Variants in BMX observed in about 807,000 individuals in gnomAD.
The protein encoded by BMX is cytoplasmic tyrosine-protein kinase BMX.
In BMX, 31 loss-of-function variants were observed where a neutral mutation model predicts 59.2. The observed-to-expected ratio is 0.52, with a 90% CI of 0.39 to 0.71. The LOEUF is 0.71. Among genes scored for constraint, BMX ranks in the 30% least tolerant of loss-of-function variants. The pLI is 0.00. For synonymous variants in BMX, 185 were observed against 181.0 expected (o/e 1.02, Z -0.18); for missense variants, 474 against 491.7 (o/e 0.96, Z 0.34).
intron 1 of BMX, chrX:15,507,179 A>G: frequency 6.1e-6 from 1 of 164,694 alleles, no homozygotes; most frequent in Non-Finnish European, 1.0e-5. Context: ...CCCTCTAGTG[A>G]TTGGATGGGT....
chrX:15,521,044 T>C (rs1294664138), intron 6 of BMX, among the ~76,000 whole-genome samples: 18 of 109,935 alleles, frequency 1.6e-4, no homozygotes, highest in African/African-American at 6.2e-4. Flanking sequence ...CACACACACA[T>C]ATTGTGAATT....
intron 9 of BMX, among the ~76,000 whole-genome samples, chrX:15,527,503 A>G (rs1395270518): frequency 9.1e-6 from 1 of 110,059 alleles, no homozygotes; most frequent in Non-Finnish European, 1.9e-5. Context: ...ATTGTCTCCT[A>G]GATGTAAAGA....
intron 1 of BMX, among the ~76,000 whole-genome samples, chrX:15,506,277 A>G (rs1161088685): frequency 8.9e-6 from 1 of 112,002 alleles, no homozygotes; most frequent in Non-Finnish European, 1.9e-5. Flanking sequence ...CACCTTGGAC[A>G]TTGGGATTTT....
rs747227180 is a variant in BMX, at chrX:15,513,729, T to C, written c.325+2211T>C. On this transcript the variant is annotated intron_variant, in intron 4 of 18. Coordinates refer to ENST00000348343, the MANE Select transcript of BMX (RefSeq NM_203281.3). ...ACCAGATGTGGAAAAAATGTGCTCT[T>C]CCTTCCAAAAATTAAAACAGAAGGG... is the stretch of plus-strand genomic sequence containing the variant. Among the ~76,000 whole-genome samples the C allele has an allele frequency of 5.2e-4, 58 of 111,819 alleles. 1 individual carries two copies. Among genetic ancestry groups the C allele is most frequent in the Admixed American group, 2.0e-3 (21 of 10,532 alleles).
intron 12 of BMX, among the ~76,000 whole-genome samples, chrX:15,535,039 G>A (rs760936959): frequency 7.2e-5 from 8 of 111,768 alleles, no homozygotes; most frequent in South Asian, 7.4e-4. Flanking sequence ...ATCTATATGA[G>A]GGGTTCTATA....
chrX:15,529,906 A>G (rs1924980201), intron 9 of BMX, 67 bp from the exon 10 acceptor site: 1 of 997,106 alleles, frequency 1.0e-6, no homozygotes, highest in African/African-American at 1.9e-5. Context: ...CAGATTAGAA[A>G]GTTGAGTGTC....
chrX:15,555,962 C>A (rs1054846539), intron 18 of BMX, 111 bp from the exon 19 acceptor site: 2 of 738,977 alleles, frequency 2.7e-6, no homozygotes, highest in Non-Finnish European at 3.9e-6. Context: ...TGTGTTTCCA[C>A]ATTTTAAAAG....
intron 14 of BMX, among the ~76,000 whole-genome samples, chrX:15,538,401 G>C (rs1332932664): frequency 1.8e-5 from 2 of 111,691 alleles, no homozygotes; most frequent in African/African-American, 3.3e-5. Context: ...TCTACTTTTA[G>C]AGAATCAATC....
At chrX:15,511,378 G>A (rs928474195) in intron 3 of BMX, 59 bp from the exon 4 acceptor site, 60 of 1,006,152 alleles carry the variant, frequency 6.0e-5, no homozygotes, top group Non-Finnish European at 7.6e-5. Flanking sequence ...ATTTGCAGGT[G>A]CACCAAAGTG....
intron 12 of BMX, 134 bp from the exon 13 acceptor site, chrX:15,536,219 C>T (rs1925333417): frequency 1.8e-6 from 1 of 554,292 alleles, no homozygotes; most frequent in Non-Finnish European, 2.9e-6. Flanking sequence ...AATGGATTCT[C>T]TCTCTGCATT....
chrX:15,537,481 T>G (rs1425814345), intron 14 of BMX, among the ~76,000 whole-genome samples, 176 bp downstream of exon 14: 1 of 112,270 alleles, frequency 8.9e-6, no homozygotes, highest in East Asian at 2.8e-4. Flanking sequence ...ATCAGTCTTA[T>G]GCTCCTACTT....
At chrX:15,539,401 G>A (rs1421053374) in intron 14 of BMX, among the ~76,000 whole-genome samples, 4 of 111,206 alleles carry the variant, frequency 3.6e-5, no homozygotes, top group African/African-American at 1.3e-4. Context: ...TTAATATGGC[G>A]CCCTCACCTT....
chrX:15,507,404 T>A lies in BMX; in HGVS notation c.-9-941T>A, dbSNP rs375709435. 260 of 741,307 alleles carry A rather than the reference T, an allele frequency of 3.5e-4. 2 individuals carry two copies. In the African/African-American group the frequency reaches 5.6e-3, roughly 16 times the overall value. 61.1% of individuals were successfully genotyped at this position (741,307 alleles called of 1,213,427 possible). ...ACATGTATACTTCGGCTCTAGCGAG[T>A]CTAAGGTGAGTAAAGCCTTCAGATT... On this transcript the variant is annotated intron_variant, in intron 1 of 18. Coordinates refer to ENST00000348343, the MANE Select transcript of BMX (RefSeq NM_203281.3).
chrX:15,534,469 T>G, intron 12 of BMX, 130 bp downstream of exon 12: 1 of 566,657 alleles, frequency 1.8e-6, no homozygotes, highest in Non-Finnish European at 2.5e-6. Context: ...CTCTCAAGTC[T>G]TTTGCCTATC....
intron 12 of BMX, among the ~76,000 whole-genome samples, chrX:15,536,019 T>C (rs969987557): frequency 3.6e-5 from 4 of 112,251 alleles, no homozygotes; most frequent in Non-Finnish European, 7.5e-5. Context: ...GTCAAATGTA[T>C]GTGCTGTGTG....
chrX:15,542,110 T>C lies in BMX; in HGVS notation c.1523T>C (p.Leu508Pro). The change falls in exon 15 of 19, where the codon CTT becomes CCT. Residue 508 changes from leucine to proline, a missense_variant. By Grantham distance (98) the Leu-to-Pro change is moderately conservative. Transcript: ENST00000348343. ...LNYLRSHGKG[L>P]EPSQLLEMCY... is the part of the protein sequence containing the mutation. Reference sequence around the variant, plus strand: ...TACCTGAGGAGTCACGGAAAAGGACTTGAACCTTCCCAGCTCTTAGAAATG... The same window carrying C: ...TACCTGAGGAGTCACGGAAAAGGACCTGAACCTTCCCAGCTCTTAGAAATG... 7 of 1,211,710 alleles carry C rather than the reference T, an allele frequency of 5.8e-6. No individual in the cohort carries two copies. The highest frequency in any genetic ancestry group is 7.8e-6 in the Non-Finnish European group (7 of 895,378).
At chrX:15,550,665 TACACACACACACACACACACACAC>T (rs58905214) in intron 18 of BMX, among the ~76,000 whole-genome samples, 11 of 86,753 alleles carry the variant, frequency 1.3e-4, no homozygotes, top group Non-Finnish European at 2.5e-4. Flanking sequence ...TCAAAGTCTT[TACACACACACACACACACACACAC>T]ACACACACAC....
At chrX:15,540,372 G>T (rs1463055967) in intron 14 of BMX, among the ~76,000 whole-genome samples, 1 of 107,960 alleles carries the variant, frequency 9.3e-6, no homozygotes, top group Non-Finnish European at 1.9e-5. Context: ...ATAAGTGGAA[G>T]TTGAACAATG....
At chrX:15,510,539 T>A (rs1399169313) in intron 3 of BMX, among the ~76,000 whole-genome samples, 1 of 110,703 alleles carries the variant, frequency 9.0e-6, no homozygotes, top group Non-Finnish European at 1.9e-5. Flanking sequence ...TTAAAAAAAT[T>A]ACCCAATTGG....
Sources: gnomAD v4.1 joint callset for allele counts (sites outside exome capture counted in the v4.1 genomes callset) on GRCh38, gnomAD v4.1.1 for gene constraint, MANE v1.5 for transcripts, NCBI Gene and HGNC (gene_info 2026-07-23, HGNC 2026-07-21) for gene names.